The following NSD3 variants were observed in gnomAD, a reference collection of about 807,000 sequenced individuals.
NSD3 encodes the protein nuclear receptor binding SET domain protein 3, also known as histone-lysine N-methyltransferase NSD3.
In NSD3, 24 loss-of-function variants were observed where a neutral mutation model predicts 160.8. The observed-to-expected ratio is 0.15, with a 90% CI of 0.11 to 0.21. The LOEUF is 0.21. Ranked by LOEUF, NSD3 falls within the 10% of genes least tolerant of loss-of-function variation. The pLI, the probability that NSD3 is intolerant of heterozygous loss-of-function variation, is 1.00. For synonymous variants in NSD3, 520 were observed against 600.0 expected, an observed-to-expected ratio of 0.87 and a Z score of 1.95; for missense variants, 1,157 against 1,735.9, an observed-to-expected ratio of 0.67 and a Z score of 5.93.
At chr8:38,295,027 C>T (rs1334065785) in intron 16 of NSD3, among the ~76,000 whole-genome samples, 1 of 151,186 alleles carries the variant, frequency 6.6e-6, no homozygotes, top group African/African-American at 2.4e-5. Context: ...GCCTGTAGTC[C>T]CAGCTACTCG....
chr8:38,288,395 G>C lies in NSD3; in HGVS notation c.3501+92C>G. On this transcript the variant is annotated intron_variant, in intron 19 of 23. Coordinates refer to ENST00000317025, the MANE Select transcript of NSD3 (RefSeq NM_023034.2). The surrounding 1 kb of genome is among the most constrained non-coding windows in gnomAD (Gnocchi z 4.5). The stretch of plus-strand genomic sequence containing the variant: ...TTTTAACATTTTACCACAAATTCCT[G>C]CTGATTTTATCCCTAGAACTATACC... The C allele has an allele frequency of 6.7e-7, 1 of 1,486,720 alleles. No individual in the cohort carries two copies. Among genetic ancestry groups the C allele is most frequent in the Non-Finnish European group, 9.0e-7 (1 of 1,109,136 alleles). 92.1% of individuals were successfully genotyped at this position (1,486,720 alleles called of 1,614,324 possible).
chr8:38,366,245 C>A (rs1235177719), intron 1 of NSD3, among the ~76,000 whole-genome samples: 2 of 151,012 alleles, frequency 1.3e-5, no homozygotes, highest in African/African-American at 2.4e-5. Context: ...AGCTTTCAAA[C>A]AACTATTACT....
chr8:38,349,675 ATATATATATATATATATG>A (rs908724854), intron 1 of NSD3, among the ~76,000 whole-genome samples: 4 of 116,226 alleles, frequency 3.4e-5, no homozygotes, highest in Non-Finnish European at 5.6e-5. Flanking sequence ...TTATATATAT[ATATATATATATATATATG>A]TATTTATTAT....
At chr8:38,305,909 G>A (rs1809381717) in intron 12 of NSD3, among the ~76,000 whole-genome samples, 2 of 151,804 alleles carry the variant, frequency 1.3e-5, no homozygotes, top group Non-Finnish European at 2.9e-5. Context: ...GAAAATCAAG[G>A]ATAAAGAAAA....
rs1487418622 is a variant in NSD3, at chr8:38,274,700, C to G, written c.*941G>C. ...TGCCTGTAATTCTCTCCAATTAAGACCAGGGTCTACAATAAAATTGGACAG... is the reference window on the plus strand; with the variant it reads ...TGCCTGTAATTCTCTCCAATTAAGAGCAGGGTCTACAATAAAATTGGACAG... On this transcript the variant is annotated 3_prime_UTR_variant, in exon 24 of 24. Coordinates refer to ENST00000317025, the MANE Select transcript of NSD3 (RefSeq NM_023034.2). 1.3e-5 allele frequency: 2 copies of G among 153,262 alleles called. No homozygotes were observed. Among genetic ancestry groups the G allele is most frequent in the Non-Finnish European group, 2.9e-5 (2 of 68,638 alleles). The allele number at this position is 153,262 out of a possible 1,614,324, so 9.5% of individuals were successfully genotyped here.
chr8:38,367,235 G>A lies in NSD3; in HGVS notation c.-45+14564C>T, dbSNP rs188586586. The stretch of plus-strand genomic sequence containing the variant: ...CCCCTAACTTAGCTGCATAAATTCC[G>A]AGGACAGACAGTATCTTTGGGTTTT... On this transcript the variant is annotated intron_variant, in intron 1 of 23. Transcript: ENST00000317025. 8.7e-4 allele frequency among the ~76,000 whole-genome samples: 132 copies of A among 152,158 alleles called. 1 individual carries two copies. Among genetic ancestry groups the A allele is most frequent in the Middle Eastern group, 6.8e-3 (2 of 294 alleles).
intron 7 of NSD3, 102 bp downstream of exon 7, chr8:38,326,628 T>C: frequency 7.8e-7 from 1 of 1,278,222 alleles, no homozygotes; most frequent in Non-Finnish European, 1.0e-6. Flanking sequence ...TAATTTACTT[T>C]TGATAACTAA....
intron 12 of NSD3, among the ~76,000 whole-genome samples, chr8:38,310,532 A>G (rs1809508304): frequency 6.6e-6 from 1 of 151,376 alleles, no homozygotes; most frequent in Non-Finnish European, 1.5e-5. Flanking sequence ...TTTGAGAGAG[A>G]GTCTCACTCT....
intron 16 of NSD3, among the ~76,000 whole-genome samples, chr8:38,292,165 A>C (rs1246216794): frequency 6.6e-6 from 1 of 152,264 alleles, no homozygotes; most frequent in Non-Finnish European, 1.5e-5. Context: ...TAAATGTATT[A>C]ATTTTCAAAC....
chr8:38,377,771 T>C (rs1299377714), intron 1 of NSD3, among the ~76,000 whole-genome samples: 1 of 151,790 alleles, frequency 6.6e-6, no homozygotes, highest in Non-Finnish European at 1.5e-5. Flanking sequence ...TCGTCTCTAC[T>C]AAAAATACAA....
chr8:38,299,370 T>A (rs557603154), intron 15 of NSD3, 74 bp downstream of exon 15: 1 of 1,497,332 alleles, frequency 6.7e-7, no homozygotes, highest in South Asian at 1.4e-5. Context: ...AGGCATACAT[T>A]TCCCCCCTAT....
At chr8:38,353,045 A>G (rs772048859) in intron 1 of NSD3, among the ~76,000 whole-genome samples, 23 of 152,140 alleles carry the variant, frequency 1.5e-4, no homozygotes, top group Admixed American at 4.6e-4. Context: ...CCTCCCAACA[A>G]CATTCATGTA....
intron 6 of NSD3, 42 bp from the exon 7 acceptor site, chr8:38,326,898 TACC>T: frequency 6.2e-7 from 1 of 1,609,190 alleles, no homozygotes. Flanking sequence ...AACAGGTGAT[TACC>T]AGGCAAGTGG....
intron 12 of NSD3, among the ~76,000 whole-genome samples, chr8:38,305,691 A>G (rs1250812029): frequency 6.6e-6 from 1 of 152,244 alleles, no homozygotes; most frequent in Non-Finnish European, 1.5e-5. Flanking sequence ...AACTGATTCC[A>G]TAGAAAAGCC....
chr8:38,340,553 G>A (rs1810338999), intron 2 of NSD3, among the ~76,000 whole-genome samples: 2 of 151,094 alleles, frequency 1.3e-5, no homozygotes, highest in African/African-American at 4.8e-5. Flanking sequence ...GGCCAGGCTG[G>A]TCTTGAACTC....
chr8:38,334,427 T>C (rs1810155205), intron 4 of NSD3, among the ~76,000 whole-genome samples: 1 of 152,182 alleles, frequency 6.6e-6, no homozygotes, highest in Non-Finnish European at 1.5e-5. Flanking sequence ...TCTGTGAATG[T>C]ACAGATTTTT....
intron 1 of NSD3, among the ~76,000 whole-genome samples, chr8:38,352,496 G>C: frequency 6.6e-6 from 1 of 152,216 alleles, no homozygotes; most frequent in East Asian, 1.9e-4. Context: ...ATAGGTAAAA[G>C]AAAGTGAGCT....
At chr8:38,340,827 G>A (rs985549130) in intron 2 of NSD3, among the ~76,000 whole-genome samples, 2 of 152,130 alleles carry the variant, frequency 1.3e-5, no homozygotes, top group African/African-American at 4.8e-5. Flanking sequence ...AGCTGGGCAG[G>A]AGAGACTGAC....
At chr8:38,304,504 T>C (rs1809349503) in intron 14 of NSD3, 83 bp downstream of exon 14, 2 of 1,424,208 alleles carry the variant, frequency 1.4e-6, no homozygotes, top group African/African-American at 1.4e-5. Context: ...GCCTGAGTTC[T>C]TTCCCAATGC....
Sources: allele counts gnomAD v4.1 joint callset (sites outside exome capture counted in the v4.1 genomes callset), GRCh38; gene constraint gnomAD v4.1.1; non-coding constraint Gnocchi (gnomAD v3.1); transcripts MANE v1.5; gene names NCBI Gene and HGNC (gene_info 2026-07-23, HGNC 2026-07-21).